AASS: variants seen among roughly 807,000 people sequenced by gnomAD.
The protein encoded by AASS is aminoadipate-semialdehyde synthase.
A neutral mutation model predicts 105.4 loss-of-function variants in AASS; 86 were observed. The ratio of observed to expected loss-of-function variants is 0.82; its 90% CI spans 0.69 to 0.98. The LOEUF is 0.98. AASS is among the 50% of genes least tolerant of loss of function. AASS has a pLI of 0.00. For synonymous variants in AASS, 381 were observed against 394.8 expected, an observed-to-expected ratio of 0.96 and a Z score of 0.41; for missense variants, 1,048 against 1,143.2, an observed-to-expected ratio of 0.92 and a Z score of 1.20.
chr7:122,076,672 A>G, intron 23 of AASS, 65 bp from the exon 24 acceptor site: 3 of 1,235,654 alleles, frequency 2.4e-6, no homozygotes, highest in Non-Finnish European at 2.4e-6. Context: ...TTCCCCATCA[A>G]GAGTCTCCAC....
chr7:122,120,702 C>A (rs1444302600), intron 4 of AASS, among the ~76,000 whole-genome samples: 2 of 151,928 alleles, frequency 1.3e-5, no homozygotes, highest in African/African-American at 4.8e-5. Flanking sequence ...CTGTAAATTT[C>A]TTTCTAATTG....
At chr7:122,102,119 C>A (rs1156544302) in intron 11 of AASS, among the ~76,000 whole-genome samples, 2 of 151,830 alleles carry the variant, frequency 1.3e-5, no homozygotes, top group African/African-American at 4.8e-5. Flanking sequence ...ACCAACCCTG[C>A]AGTAAGGGGT....
rs1792938653 is a variant in AASS, at chr7:122,075,050, T to C, written c.*1439A>G. 6.6e-6 allele frequency among the ~76,000 whole-genome samples: 1 copy of C among 152,070 alleles called. No homozygotes were observed. The highest frequency in any genetic ancestry group is 6.6e-5 in the Admixed American group (1 of 15,264). On this transcript the variant is annotated 3_prime_UTR_variant, in exon 24 of 24. Transcript: ENST00000417368. ...TTTTTTGTTTGCTTGTTGTTTTTTG[T>C]TTGTTTGTTTTTGTAGAGATGGGAT... is the stretch of plus-strand genomic sequence containing the variant.
rs1376633369 is a variant in AASS, at chr7:122,116,940, A to T, written c.705T>A (p.Phe235Leu). The change falls in exon 7 of 24, where the codon TTT (phenylalanine) becomes TTA (leucine). Residue 235 changes from phenylalanine (F) to leucine (L), a missense_variant. Coordinates refer to ENST00000417368, the MANE Select transcript of AASS (RefSeq NM_005763.4). Reference sequence around the variant, plus strand: ...CCACATATTCACAAGGTAGCTCATTAAAGATTGCTTGGGCTCCCTACAAAT... The same window carrying T: ...CCACATATTCACAAGGTAGCTCATTTAAGATTGCTTGGGCTCCCTACAAAT... ...GNVSKGAQAI[F>L]NELPCEYVEP... is the part of the protein sequence containing the mutation. 6.2e-7 allele frequency: 1 copy of T among 1,613,904 alleles called. No homozygotes were observed. Among genetic ancestry groups the T allele is most frequent in the African/African-American group, 1.3e-5 (1 of 75,070 alleles).
chr7:122,078,823 T>C, intron 22 of AASS, 39 bp downstream of exon 22: 1 of 1,567,468 alleles, frequency 6.4e-7, no homozygotes, highest in Non-Finnish European at 8.8e-7. Flanking sequence ...ATCTTATGAT[T>C]CTTCTTTAGG....
intron 2 of AASS, among the ~76,000 whole-genome samples, chr7:122,130,367 C>T (rs190450023): frequency 3.9e-5 from 6 of 151,996 alleles, no homozygotes; most frequent in Admixed American, 3.3e-4. Flanking sequence ...TTACAACATA[C>T]GAGTAAACCG....
In AASS at chr7:122,101,420, C is replaced by T. The variant is rs747489536; in HGVS notation, c.1357G>A (p.Gly453Ser). ...VVRDAVITSN[G>S]TLPDKYKYIQ... is the part of the protein sequence containing the mutation. ...TATTTATATTTATCAGGTAATGTACCGTTGGATGTAATCACTGCCTAAATG... is the reference window on the plus strand; with the variant it reads ...TATTTATATTTATCAGGTAATGTACTGTTGGATGTAATCACTGCCTAAATG... Residue 453 changes from glycine to serine, a missense_variant, in exon 13 of 24, where the codon GGT (glycine) becomes AGT (serine). Coordinates refer to ENST00000417368, the MANE Select transcript of AASS (RefSeq NM_005763.4). 8.7e-6 allele frequency: 14 copies of T among 1,610,246 alleles called. No individual in the cohort carries two copies. Among genetic ancestry groups the T allele is most frequent in the South Asian group, 4.4e-5 (4 of 90,994 alleles).
chr7:122,110,625 C>G (rs1407053411), intron 11 of AASS, among the ~76,000 whole-genome samples: 2 of 151,882 alleles, frequency 1.3e-5, no homozygotes, highest in African/African-American at 4.8e-5. Context: ...AACTTGTTTT[C>G]AAGCCAACAT....
chr7:122,133,911 G>A (rs1227416275), intron 1 of AASS, 170 bp from the exon 2 acceptor site: 1 of 647,826 alleles, frequency 1.5e-6, no homozygotes. Flanking sequence ...TTAAAGCCAA[G>A]TTTTCAAAAA....
chr7:122,093,122 C>T lies in AASS; in HGVS notation c.1692G>A (p.Lys564=). 1 of 1,613,918 alleles carries T rather than the reference C, an allele frequency of 6.2e-7. No homozygotes were observed. The highest frequency in any genetic ancestry group is 8.5e-7 in the Non-Finnish European group (1 of 1,179,874). The part of the protein sequence containing the change: ...LPYVLHPLVA[K]ACITNKVNMV... Reference sequence around the variant, plus strand: ...TGTTAACTTTGTTTGTGATGCAGGCCTTGGCCACAAGAGGGTGCAATACAT... The same window carrying T: ...TGTTAACTTTGTTTGTGATGCAGGCTTTGGCCACAAGAGGGTGCAATACAT... The change falls in exon 16 of 24, where the codon AAG becomes AAA. Residue 564 remains lysine, a synonymous_variant. Coordinates refer to ENST00000417368, the MANE Select transcript of AASS (RefSeq NM_005763.4).
chr7:122,091,961 G>A, intron 17 of AASS, 118 bp from the exon 18 acceptor site: 4 of 723,458 alleles, frequency 5.5e-6, no homozygotes, highest in Non-Finnish European at 9.4e-6. Flanking sequence ...CATTCTTAAA[G>A]TTACTAAGGC....
At chr7:122,132,849 A>C (rs1006322760) in intron 2 of AASS, among the ~76,000 whole-genome samples, 1 of 152,172 alleles carries the variant, frequency 6.6e-6, no homozygotes, top group African/African-American at 2.4e-5. Context: ...GCTGTTCTAG[A>C]TTGAAAGAAC....
rs201976194 is a variant in AASS at position 122,116,954 on chromosome 7, C to T, written c.691G>A (p.Ala231Thr). The T allele has an allele frequency of 1.9e-6, 3 of 1,613,516 alleles. No homozygotes were observed. Among genetic ancestry groups the T allele is most frequent in the Non-Finnish European group, 2.5e-6 (3 of 1,179,812 alleles). ...FTGTGNVSKG[A>T]QAIFNELPCE... ...GGTAGCTCATTAAAGATTGCTTGGG[C>T]TCCCTACAAATAACACATGAGTAAA... Residue 231 changes from alanine (A) to threonine (T), a missense_variant, in exon 7 of 24, where the codon GCC (alanine) becomes ACC (threonine). Physicochemically the swap from Ala to Thr is moderately conservative, Grantham distance 58. Transcript: ENST00000417368.
At position 122,118,408 on chromosome 7, in the gene AASS, G is replaced by T. The variant is rs532611163; in HGVS notation, c.586C>A (p.Gln196Lys). Reference protein sequence around the residue: ...HNYRNSSQAVQAVRDAGYEIS... With the variant: ...HNYRNSSQAVKAVRDAGYEIS... Reference sequence around the variant, plus strand: ...TCATAGCCAGCATCACGGACAGCTTGCACAGCCTGACTGCTATTCCTGTAG... The same window carrying T: ...TCATAGCCAGCATCACGGACAGCTTTCACAGCCTGACTGCTATTCCTGTAG... Residue 196 changes from glutamine (Q) to lysine (K), a missense_variant, in exon 6 of 24, where the codon CAA becomes AAA. Gln to Lys is a moderately conservative substitution (Grantham distance 53). Coordinates refer to ENST00000417368, the MANE Select transcript of AASS (RefSeq NM_005763.4). 6 of 1,614,156 alleles carry T rather than the reference G, an allele frequency of 3.7e-6. No individual in the cohort carries two copies. In the East Asian group the frequency reaches 1.3e-4, roughly 36 times the overall value.
intron 2 of AASS, 60 bp from the exon 3 acceptor site, chr7:122,129,597 G>T: frequency 6.6e-7 from 1 of 1,510,978 alleles, no homozygotes; most frequent in South Asian, 1.1e-5. Flanking sequence ...ATGTTTTCTT[G>T]AGCAAAATGT....
chr7:122,140,567 G>A (rs981733811), intron 1 of AASS, among the ~76,000 whole-genome samples: 55 of 148,758 alleles, frequency 3.7e-4, no homozygotes, highest in African/African-American at 1.3e-3. Flanking sequence ...TATGTATGAA[G>A]GATCACACAT....
chr7:122,137,492 C>A (rs571731342), intron 1 of AASS, among the ~76,000 whole-genome samples: 325 of 152,256 alleles, frequency 2.1e-3, no homozygotes, highest in Non-Finnish European at 3.8e-3. Context: ...CTCTTGACCC[C>A]TTTTCCTGCT....
chr7:122,114,915 G>A (rs1161337560), intron 9 of AASS, among the ~76,000 whole-genome samples, 159 bp downstream of exon 9: 1 of 152,050 alleles, frequency 6.6e-6, no homozygotes, highest in African/African-American at 2.4e-5. Flanking sequence ...AAAAAAAAAG[G>A]AGAGATGGTT....
chr7:122,077,980 G>T lies in AASS; in HGVS notation c.2520C>A (p.Asp840Glu). 1 of 1,614,122 alleles carries T rather than the reference G, an allele frequency of 6.2e-7. No homozygotes were observed. Among genetic ancestry groups the T allele is most frequent in the Non-Finnish European group, 8.5e-7 (1 of 1,180,014 alleles). Residue 840 changes from aspartate to glutamate, a missense_variant, in exon 23 of 24, where the codon GAC becomes GAA. Asp to Glu is a conservative substitution (Grantham distance 45). Transcript: ENST00000417368. ...PEEKDMIVMRDSFGIRHPSGH... is the reference protein window; with the variant it reads ...PEEKDMIVMRESFGIRHPSGH... ...CAGAAGGATGTCTGATTCCAAAGCT[G>T]TCTCTCATCACAATCATATCTTTTT... is the stretch of plus-strand genomic sequence containing the variant.
Sources: gnomAD v4.1 joint callset for allele counts (sites outside exome capture counted in the v4.1 genomes callset) on GRCh38, gnomAD v4.1.1 for gene constraint, MANE v1.5 for transcripts, NCBI Gene and HGNC (gene_info 2026-07-23, HGNC 2026-07-21) for gene names.